Variants in NIPAL2 observed in about 807,000 individuals in gnomAD.
The protein encoded by NIPAL2 is NIPA like domain containing 2.
Under a neutral mutation model 48.9 loss-of-function variants are expected in NIPAL2, and 43 were observed. That is an observed-to-expected ratio of 0.88 (90% CI 0.69 to 1.13). NIPAL2 has a LOEUF of 1.13. Among genes scored for constraint, NIPAL2 ranks in the 50% most tolerant of loss-of-function variants. The pLI, the probability that NIPAL2 is intolerant of heterozygous loss-of-function variation, is 0.00. For synonymous variants in NIPAL2, 167 were observed against 174.6 expected, an observed-to-expected ratio of 0.96 and a Z score of 0.34; for missense variants, 446 against 461.4, an observed-to-expected ratio of 0.97 and a Z score of 0.31.
intron 1 of NIPAL2, among the ~76,000 whole-genome samples, chr8:98,285,403 C>T (rs913646955): frequency 1.3e-5 from 2 of 152,120 alleles, no homozygotes; most frequent in Admixed American, 6.5e-5. Flanking sequence ...CCAGCCTTGG[C>T]GACTGGTATG....
intron 7 of NIPAL2, among the ~76,000 whole-genome samples, chr8:98,204,097 G>C (rs1278856394): frequency 6.6e-6 from 1 of 152,168 alleles, no homozygotes; most frequent in Non-Finnish European, 1.5e-5. Flanking sequence ...ACCCCCAATT[G>C]TGTCTGCCTG....
chr8:98,235,347 A>T (rs1812649696), intron 4 of NIPAL2, among the ~76,000 whole-genome samples: 1 of 152,246 alleles, frequency 6.6e-6, no homozygotes, highest in Non-Finnish European at 1.5e-5. Flanking sequence ...CACATAAGTG[A>T]TGGCTTTGCC....
chr8:98,209,751 G>A (rs1274188368), intron 6 of NIPAL2, among the ~76,000 whole-genome samples: 1 of 150,564 alleles, frequency 6.6e-6, no homozygotes, highest in Non-Finnish European at 1.5e-5. Context: ...GTCCTATTTT[G>A]TTTCCCATTT....
chr8:98,247,663 C>T (rs765103779), intron 3 of NIPAL2, among the ~76,000 whole-genome samples: 1 of 152,056 alleles, frequency 6.6e-6, no homozygotes, highest in African/African-American at 2.4e-5. Flanking sequence ...TGAGAAAGGG[C>T]TCCCTTTTTC....
intron 6 of NIPAL2, among the ~76,000 whole-genome samples, chr8:98,206,900 A>G (rs1229540011): frequency 6.6e-6 from 1 of 152,152 alleles, no homozygotes; most frequent in African/African-American, 2.4e-5. Flanking sequence ...CCATCTTAAG[A>G]TGTCTTTTGA....
chr8:98,233,556 G>C (rs1250263069), intron 4 of NIPAL2, among the ~76,000 whole-genome samples: 1 of 152,174 alleles, frequency 6.6e-6, no homozygotes, highest in Non-Finnish European at 1.5e-5. Flanking sequence ...GCTTAGAGAA[G>C]TTAAGTAATA....
chr8:98,259,866 GAATGA>G (rs1814185175), intron 1 of NIPAL2, among the ~76,000 whole-genome samples: 1 of 152,192 alleles, frequency 6.6e-6, no homozygotes, highest in Non-Finnish European at 1.5e-5. Context: ...GCAGAGGCAT[GAATGA>G]ACCCAGGTGG....
At chr8:98,274,387 T>G (rs1002463010) in intron 1 of NIPAL2, among the ~76,000 whole-genome samples, 6 of 152,030 alleles carry the variant, frequency 3.9e-5, no homozygotes, top group Admixed American at 6.6e-5. Flanking sequence ...AGTTGCCAAG[T>G]GAGATATATT....
At chr8:98,287,097 G>T (rs969111743) in intron 1 of NIPAL2, among the ~76,000 whole-genome samples, 1 of 151,998 alleles carries the variant, frequency 6.6e-6, no homozygotes, top group Admixed American at 6.6e-5. Flanking sequence ...AGGAATATCG[G>T]TCTTTCAGGA....
chr8:98,193,445 T>C, intron 10 of NIPAL2: 1 of 1,611,398 alleles, frequency 6.2e-7, no homozygotes, highest in Middle Eastern at 1.7e-4. Context: ...TATAACAACA[T>C]AGAAAAATAG....
intron 8 of NIPAL2, among the ~76,000 whole-genome samples, chr8:98,200,142 G>A (rs1169987605): frequency 6.6e-6 from 1 of 152,066 alleles, no homozygotes; most frequent in African/African-American, 2.4e-5. Context: ...TAGAAACGTT[G>A]TAGTAAAATA....
At chr8:98,211,066 GGCT>G (rs1811285910) in intron 6 of NIPAL2, among the ~76,000 whole-genome samples, 2 of 152,142 alleles carry the variant, frequency 1.3e-5, no homozygotes. Context: ...GAAGCATGGT[GGCT>G]GCTATTTGAA....
intron 4 of NIPAL2, among the ~76,000 whole-genome samples, chr8:98,231,150 C>T (rs1812422230): frequency 6.6e-6 from 1 of 152,054 alleles, no homozygotes; most frequent in Admixed American, 6.6e-5. Context: ...AAATACCCTC[C>T]CATAAGTACA....
intron 1 of NIPAL2, among the ~76,000 whole-genome samples, chr8:98,293,462 G>A (rs1422633678): frequency 6.6e-6 from 1 of 152,222 alleles, no homozygotes; most frequent in Non-Finnish European, 1.5e-5. Flanking sequence ...TCCTGCAAAT[G>A]CAACCTGAGA....
At chr8:98,281,082 G>A (rs1474189872) in intron 1 of NIPAL2, among the ~76,000 whole-genome samples, 1 of 151,896 alleles carries the variant, frequency 6.6e-6, no homozygotes, top group Non-Finnish European at 1.5e-5. Flanking sequence ...CGCAACTGAA[G>A]ACCGCATGTA....
chr8:98,194,918 C>T lies in NIPAL2; in HGVS notation c.945-96G>A, dbSNP rs190588686. The stretch of plus-strand genomic sequence containing the variant: ...CATATTCTACATGATGACATAAATC[C>T]CATTGGTTTTGTTCTTCCAGTTTCT... On this transcript the variant is annotated intron_variant, in intron 9 of 10. Coordinates refer to ENST00000430223, the MANE Select transcript of NIPAL2 (RefSeq NM_001321635.2). 76 of 650,782 alleles carry T rather than the reference C, an allele frequency of 1.2e-4. No individual in the cohort carries two copies. In the African/African-American group the frequency reaches 1.3e-3, roughly 11 times the overall value. The allele number at this position is 650,782 out of a possible 1,614,324, so 40.3% of individuals were successfully genotyped here.
At chr8:98,229,015 A>T (rs1022674478) in intron 4 of NIPAL2, among the ~76,000 whole-genome samples, 1 of 152,182 alleles carries the variant, frequency 6.6e-6, no homozygotes, top group Admixed American at 6.5e-5. Flanking sequence ...GAGTCCCAAG[A>T]TCTGGATATT....
At chr8:98,280,302 C>T (rs1815722221) in intron 1 of NIPAL2, among the ~76,000 whole-genome samples, 2 of 152,196 alleles carry the variant, frequency 1.3e-5, no homozygotes, top group Admixed American at 1.3e-4. Flanking sequence ...TCGTTTTGAA[C>T]ACAGTAATGG....
chr8:98,267,573 G>C (rs2130869529), intron 1 of NIPAL2, among the ~76,000 whole-genome samples: 1 of 152,046 alleles, frequency 6.6e-6, no homozygotes, highest in East Asian at 1.9e-4. Flanking sequence ...TCCTGCCTCA[G>C]CCTCCTAAAG....
Sources: gnomAD v4.1 joint callset for allele counts (sites outside exome capture counted in the v4.1 genomes callset) on GRCh38, gnomAD v4.1.1 for gene constraint, MANE v1.5 for transcripts, NCBI Gene and HGNC (gene_info 2026-07-23, HGNC 2026-07-21) for gene names.